HGS: variants seen among roughly 807,000 people sequenced by gnomAD.
HGS encodes human growth factor-regulated tyrosine kinase substrate.
In HGS, 63 loss-of-function variants were observed where a neutral mutation model predicts 109.7. The ratio of observed to expected loss-of-function variants is 0.57; its 90% CI spans 0.47 to 0.71. The LOEUF (loss-of-function observed/expected upper bound fraction) is 0.71, where lower values mean the gene tolerates loss of function less well. Among genes scored for constraint, HGS ranks in the 30% least tolerant of loss-of-function variants. The probability of loss-of-function intolerance (pLI) is 0.00; values close to 1 mark genes in which losing one functional copy is unlikely to be tolerated. For synonymous variants in HGS, 546 were observed against 437.3 expected (o/e 1.25, Z -3.10); for missense variants, 995 against 1,068.3 (o/e 0.93, Z 0.96).
In HGS at chr17:81,701,572, G is replaced by C; in HGVS notation, c.2288G>C (p.Gly763Ala). The change falls in exon 22 of 22, where the codon GGG becomes GCG. Residue 763 changes from glycine (G) to alanine (A), a missense_variant. Coordinates refer to ENST00000329138, the MANE Select transcript of HGS (RefSeq NM_004712.5). ...PPVAQQPQAQ[G>A]PPAQGSEAQL... ...GTGGCCCAGCAACCGCAGGCACAGGGGCCGCCGGCACAGGGCAGCGAGGCC... is the reference window on the plus strand; with the variant it reads ...GTGGCCCAGCAACCGCAGGCACAGGCGCCGCCGGCACAGGGCAGCGAGGCC... 1.3e-6 allele frequency: 2 copies of C among 1,571,640 alleles called. No homozygotes were observed. Among genetic ancestry groups the C allele is most frequent in the South Asian group, 1.1e-5 (1 of 87,042 alleles).
intron 4 of HGS, among the ~76,000 whole-genome samples, chr17:81,687,817 G>A (rs183920627): frequency 2.0e-5 from 3 of 152,312 alleles, no homozygotes; most frequent in East Asian, 3.9e-4. Context: ...GAGACTCCCT[G>A]GACTCACACA....
At chr17:81,689,345 G>A (rs972865651) in intron 5 of HGS, among the ~76,000 whole-genome samples, 3 of 152,218 alleles carry the variant, frequency 2.0e-5, no homozygotes, top group Admixed American at 6.5e-5. Flanking sequence ...TGCTGTCAGC[G>A]CAGCAGGAGG....
At position 81,701,815 on chromosome 17, in the gene HGS, T is replaced by A; in HGVS notation, c.*197T>A. ...AGTCCCTGAGTTAGTCTCTGCTTTCTTTCCCCAGGGCTGGGCCATGGGGAG... is the reference window on the plus strand; with the variant it reads ...AGTCCCTGAGTTAGTCTCTGCTTTCATTCCCCAGGGCTGGGCCATGGGGAG... On this transcript the variant is annotated 3_prime_UTR_variant, in exon 22 of 22. Transcript: ENST00000329138. 2.6e-6 allele frequency: 2 copies of A among 773,030 alleles called. No individual in the cohort carries two copies. The highest frequency in any genetic ancestry group is 3.8e-6 in the Non-Finnish European group (2 of 524,542). 47.9% of individuals were successfully genotyped at this position (773,030 alleles called of 1,614,324 possible).
chr17:81,700,510 T>C lies in HGS; in HGVS notation c.1926T>C (p.Thr642=), dbSNP rs746677199. Residue 642 remains threonine (T), a synonymous_variant, in exon 19 of 22, where the codon ACT becomes ACC. Transcript: ENST00000329138. ...CCTACATGTACCCAGCAGGGGCCAC[T>C]GGGGCGCAGGCGGCCCCCCAGGCCC... The part of the protein sequence containing the change: ...VSAYMYPAGA[T]GAQAAPQAQA... 3.7e-6 allele frequency: 6 copies of C among 1,606,982 alleles called. No individual in the cohort carries two copies. Among genetic ancestry groups the C allele is most frequent in the Admixed American group, 1.7e-5 (1 of 58,980 alleles).
At chr17:81,696,332 G>C in intron 15 of HGS, 25 bp from the exon 16 acceptor site, 1 of 1,539,664 alleles carries the variant, frequency 6.5e-7, no homozygotes, top group South Asian at 1.3e-5. Context: ...GGAGTGGTCA[G>C]GGTTGCTCTG....
intron 15 of HGS, 128 bp downstream of exon 15, chr17:81,696,127 A>G: frequency 1.1e-6 from 1 of 952,266 alleles, no homozygotes; most frequent in South Asian, 1.7e-5. Flanking sequence ...GGCTTCCTCC[A>G]GAGAGTGTCA....
At chr17:81,690,066 C>T (rs990748416) in intron 5 of HGS, 116 bp from the exon 6 acceptor site, 3 of 1,141,942 alleles carry the variant, frequency 2.6e-6, no homozygotes, top group Middle Eastern at 2.0e-4. Context: ...CCCCAGACAC[C>T]TTCACTTGGG....
intron 11 of HGS, 57 bp downstream of exon 11, chr17:81,694,022 G>A: frequency 4.1e-6 from 6 of 1,455,386 alleles, no homozygotes; most frequent in Non-Finnish European, 5.6e-6. Context: ...GTTGATGGGG[G>A]ACGCGGGTCC....
At chr17:81,694,717 C>A in intron 11 of HGS, 98 bp from the exon 12 acceptor site, 1 of 1,466,004 alleles carries the variant, frequency 6.8e-7, no homozygotes, top group Non-Finnish European at 9.5e-7. Context: ...CAGGCTGCGG[C>A]TCTGGTCTCC....
Position 81,696,081 on chromosome 17 carries a change from G to A in HGS, c.1393+82G>A, listed in dbSNP as rs917300518. On this transcript the variant is annotated intron_variant, in intron 15 of 21. Coordinates refer to ENST00000329138, the MANE Select transcript of HGS (RefSeq NM_004712.5). ...ATCCTGGGCCAGGGCCTCCCCTGAG[G>A]GTGCTGAGCTCTTGTGAGTCCTTCA... 14 of 1,249,186 alleles carry A rather than the reference G, an allele frequency of 1.1e-5. No individual in the cohort carries two copies. In the African/African-American group the frequency reaches 1.7e-4, roughly 15 times the overall value. The allele number at this position is 1,249,186 out of a possible 1,614,324, so 77.4% of individuals were successfully genotyped here.
chr17:81,700,938 T>A (rs1033054386), intron 20 of HGS, 107 bp from the exon 21 acceptor site: 10 of 1,523,376 alleles, frequency 6.6e-6, no homozygotes, highest in South Asian at 3.4e-5. Flanking sequence ...CCCCCTCCAC[T>A]CTCTGGGTGC....
chr17:81,691,250 G>A lies in HGS; in HGVS notation c.538-197G>A, dbSNP rs57366978. Reference sequence around the variant, plus strand: ...AACTTACCTTATTTTCCCCAAAACGGTGGCTGGCGTTGAGACTCCCGGGAG... The same window carrying A: ...AACTTACCTTATTTTCCCCAAAACGATGGCTGGCGTTGAGACTCCCGGGAG... On this transcript the variant is annotated intron_variant, in intron 7 of 21. Transcript: ENST00000329138. This position sits in a 1 kb window ranked among gnomAD's most constrained non-coding sequence, Gnocchi z 5.3. 105,597 of 608,598 alleles carry A rather than the reference G, an allele frequency of 0.17. 9,839 individuals are homozygous for A. Among genetic ancestry groups the A allele is most frequent in the Admixed American group, 0.28 (9,933 of 35,072 alleles). 37.7% of individuals were successfully genotyped at this position (608,598 alleles called of 1,614,324 possible).
intron 4 of HGS, among the ~76,000 whole-genome samples, chr17:81,688,126 C>G (rs916950774): frequency 2.6e-5 from 4 of 152,196 alleles, no homozygotes; most frequent in Non-Finnish European, 5.9e-5. Flanking sequence ...TTGCAGCAGC[C>G]TCTGATCGCA....
In HGS at chr17:81,693,733, CGGA is replaced by C. The variant is rs1478063093; in HGVS notation, c.826_828del (p.Glu276del). 3 of 1,555,346 alleles carry C rather than the reference CGGA, an allele frequency of 1.9e-6. No individual in the cohort carries two copies. Among genetic ancestry groups the C allele is most frequent in the East Asian group, 2.4e-5 (1 of 41,954 alleles). On this transcript the variant is annotated inframe_deletion, in exon 10 of 22. Coordinates refer to ENST00000329138, the MANE Select transcript of HGS (RefSeq NM_004712.5). ...GCCCTGGCGCTGTCACAGTCAGAGGCGGAGGAGAAGGAGAGGCTGGTAAGCCGG... is the reference window on the plus strand; with the variant it reads ...GCCCTGGCGCTGTCACAGTCAGAGGCGGAGAAGGAGAGGCTGGTAAGCCGG...
intron 18 of HGS, among the ~76,000 whole-genome samples, chr17:81,699,645 C>T (rs956365557): frequency 5.9e-5 from 9 of 152,150 alleles, no homozygotes; most frequent in Admixed American, 2.6e-4. Flanking sequence ...AGCCTGGTCT[C>T]GAACTCCTGC....
Position 81,688,007 on chromosome 17 carries a change from G to A in HGS, c.292-697G>A, listed in dbSNP as rs78906780. On this transcript the variant is annotated intron_variant, in intron 4 of 21. Coordinates refer to ENST00000329138, the MANE Select transcript of HGS (RefSeq NM_004712.5). ...TCAGTCAGGCTGCAGATCCTGAGCCGGTTCGCTCCTCTGGGGTGAGGCAGG... is the reference window on the plus strand; with the variant it reads ...TCAGTCAGGCTGCAGATCCTGAGCCAGTTCGCTCCTCTGGGGTGAGGCAGG... 8.8e-3 allele frequency among the ~76,000 whole-genome samples: 1,339 copies of A among 152,312 alleles called. 36 individuals are homozygous for A. Among genetic ancestry groups the A allele is most frequent in the African/African-American group, 0.031 (1,273 of 41,576 alleles).
chr17:81,690,056 C>T, intron 5 of HGS, 126 bp from the exon 6 acceptor site: 2 of 991,250 alleles, frequency 2.0e-6, no homozygotes, highest in South Asian at 1.6e-5. Flanking sequence ...GTCTCGGTGC[C>T]CCCAGACACC....
rs139674196 is a variant in HGS, at chr17:81,693,541, C to T, written c.701C>T (p.Pro234Leu). The change falls in exon 9 of 22, where the codon CCC (proline) becomes CTC (leucine). Residue 234 changes from proline (P) to leucine (L), a missense_variant. This residue lies in a region of HGS where 300 missense variants were observed against 235.4 expected (regional missense o/e 1.27). Coordinates refer to ENST00000329138, the MANE Select transcript of HGS (RefSeq NM_004712.5). ...AAGGCCACTTCCACCACTGAGCTGC[C>T]CCCCGAGTACCTGACCAGCCCCCTG... ...EGKATSTTELPPEYLTSPLSQ... is the reference protein window; with the variant it reads ...EGKATSTTELLPEYLTSPLSQ... 2.1e-5 allele frequency: 34 copies of T among 1,613,170 alleles called. No individual in the cohort carries two copies. The highest frequency in any genetic ancestry group is 2.6e-5 in the Non-Finnish European group (31 of 1,179,646).
chr17:81,693,002 C>A (rs1370938530), intron 8 of HGS: 1 of 152,702 alleles, frequency 6.5e-6, no homozygotes, highest in African/African-American at 2.4e-5. Context: ...CAGAGCAAGA[C>A]TCTATCTCAA....
Sources: gnomAD v4.1 joint callset for allele counts (sites outside exome capture counted in the v4.1 genomes callset) on GRCh38, gnomAD v4.1.1 for gene constraint, gnomAD v4.1.1 regional missense constraint, Gnocchi (gnomAD v3.1) non-coding constraint, MANE v1.5 for transcripts, NCBI Gene and HGNC (gene_info 2026-07-23, HGNC 2026-07-21) for gene names.